The following ARHGAP26 variants were observed in gnomAD, a reference collection of about 807,000 sequenced individuals.
ARHGAP26 encodes the protein rho GTPase-activating protein 26.
In ARHGAP26, 38 loss-of-function variants were observed where a neutral mutation model predicts 104.8. The ratio of observed to expected loss-of-function variants is 0.36; its 90% CI spans 0.28 to 0.48. ARHGAP26 has a LOEUF of 0.48. Among genes scored for constraint, ARHGAP26 ranks in the 20% least tolerant of loss-of-function variants. The pLI is 0.99. For missense variants in ARHGAP26, 704 were observed against 947.9 expected (o/e 0.74, Z 3.38); for synonymous variants, 341 against 340.0 (o/e 1.00, Z -0.03).
At chr5:142,903,008 G>A (rs779623776) in intron 7 of ARHGAP26, among the ~76,000 whole-genome samples, 1 of 152,100 alleles carries the variant, frequency 6.6e-6, no homozygotes, top group Non-Finnish European at 1.5e-5. Flanking sequence ...CTTCAAAGTC[G>A]CCCTGAATAC....
At chr5:142,788,545 C>G (rs1009888929) in intron 1 of ARHGAP26, among the ~76,000 whole-genome samples, 2 of 152,138 alleles carry the variant, frequency 1.3e-5, no homozygotes, top group African/African-American at 4.8e-5. Flanking sequence ...AACCACAGAT[C>G]AAGAATATTG....
intron 20 of ARHGAP26, among the ~76,000 whole-genome samples, chr5:143,182,605 A>G (rs139067532): frequency 6.6e-6 from 1 of 152,370 alleles, no homozygotes; most frequent in African/African-American, 2.4e-5. Flanking sequence ...TGTCATTAAC[A>G]TGGAAGATGC....
intron 11 of ARHGAP26, among the ~76,000 whole-genome samples, chr5:142,963,188 A>ATACATATATG (rs1770643247): frequency 9.1e-6 from 1 of 109,782 alleles, no homozygotes; most frequent in African/African-American, 5.1e-5. Context: ...ATATATATAT[A>ATACATATATG]TATATATATA....
At chr5:143,120,957 C>T in intron 17 of ARHGAP26, 31 bp from the exon 18 acceptor site, 7 of 1,602,978 alleles carry the variant, frequency 4.4e-6, no homozygotes, top group Non-Finnish European at 6.0e-6. Flanking sequence ...CGATTTGTCT[C>T]ATTGGTACCT....
At chr5:142,949,180 A>AGAGAGAGAGAGAGAGAGAGAGAGAGAG (rs1767698612) in intron 11 of ARHGAP26, among the ~76,000 whole-genome samples, 6 of 7,526 alleles carry the variant, frequency 8.0e-4, no homozygotes, top group African/African-American at 3.6e-3. Flanking sequence ...AGAGAGAGAG[A>AGAGAGAGAGAGAGAGAGAGAGAGAGAG]GAGAGAGAGA....
intron 12 of ARHGAP26, among the ~76,000 whole-genome samples, chr5:143,024,695 G>A (rs987761418): frequency 1.3e-5 from 2 of 152,264 alleles, no homozygotes; most frequent in African/African-American, 4.8e-5. Flanking sequence ...AACCCTATGA[G>A]CTAGATACTA....
chr5:142,889,260 CT>C (rs1758140376), intron 5 of ARHGAP26, among the ~76,000 whole-genome samples: 1 of 152,118 alleles, frequency 6.6e-6, no homozygotes, highest in Admixed American at 6.6e-5. Flanking sequence ...GTTCTGAGCA[CT>C]GGAGGAGAAA....
chr5:143,094,301 C>A (rs1791953545), intron 17 of ARHGAP26, among the ~76,000 whole-genome samples: 1 of 152,234 alleles, frequency 6.6e-6, no homozygotes, highest in Admixed American at 6.5e-5. Context: ...AGAGTCGTTG[C>A]CACAGTATGT....
At chr5:143,200,078 T>C (rs1807463437) in intron 20 of ARHGAP26, among the ~76,000 whole-genome samples, 1 of 152,226 alleles carries the variant, frequency 6.6e-6, no homozygotes, top group African/African-American at 2.4e-5. Context: ...AGGAAGGGAA[T>C]TGTATTCATT....
chr5:143,134,733 A>T (rs375993828), intron 19 of ARHGAP26, among the ~76,000 whole-genome samples: 1 of 152,248 alleles, frequency 6.6e-6, no homozygotes, highest in Non-Finnish European at 1.5e-5. Context: ...ATGATCAGGT[A>T]CTGACCCCTA....
intron 16 of ARHGAP26, among the ~76,000 whole-genome samples, chr5:143,056,823 T>C (rs1384415151): frequency 6.6e-6 from 1 of 152,172 alleles, no homozygotes; most frequent in East Asian, 1.9e-4. Context: ...TGGTAGCTAC[T>C]ACTGGCCTAA....
intron 1 of ARHGAP26, among the ~76,000 whole-genome samples, chr5:142,825,627 A>G (rs1256480952): frequency 1.3e-5 from 2 of 152,178 alleles, no homozygotes; most frequent in Non-Finnish European, 2.9e-5. Flanking sequence ...TTTCTATTGT[A>G]ATTCCTTAGC....
intron 1 of ARHGAP26, among the ~76,000 whole-genome samples, chr5:142,839,721 G>A (rs1293074569): frequency 2.0e-5 from 3 of 152,108 alleles, no homozygotes; most frequent in Admixed American, 6.6e-5. Context: ...TGTTCGAAAG[G>A]GAAAGTTTTT....
At chr5:143,152,662 A>G (rs1799988301) in intron 20 of ARHGAP26, among the ~76,000 whole-genome samples, 1 of 152,202 alleles carries the variant, frequency 6.6e-6, no homozygotes, top group Admixed American at 6.5e-5. Context: ...ATTTTGGCCA[A>G]TAGAATGTGG....
rs574644044 is a variant in ARHGAP26 at position 142,984,934 on chromosome 5, C to T, written c.1108-29146C>T. On this transcript the variant is annotated intron_variant, in intron 11 of 22. Coordinates refer to ENST00000645722, the MANE Select transcript of ARHGAP26 (RefSeq NM_001135608.3). ...CCCTTCTACTTATTAAAAAAAAAAG[C>T]GGTCAGACAGCCTTAAACAAGACCT... 3.3e-5 allele frequency among the ~76,000 whole-genome samples: 5 copies of T among 149,900 alleles called. No homozygotes were observed. The East Asian group carries it at 6.0e-4, about 18-fold the overall frequency.
intron 1 of ARHGAP26, among the ~76,000 whole-genome samples, chr5:142,812,379 G>A (rs77955364): frequency 1.4e-5 from 2 of 143,436 alleles, no homozygotes; most frequent in African/African-American, 5.2e-5. Flanking sequence ...TTTTTTTTTT[G>A]ACAGAGGAGT....
At chr5:143,022,118 C>T (rs1780422225) in intron 12 of ARHGAP26, among the ~76,000 whole-genome samples, 2 of 152,084 alleles carry the variant, frequency 1.3e-5, no homozygotes, top group Admixed American at 1.3e-4. Context: ...GTCACCCAGG[C>T]TGGAGTGCAG....
At chr5:142,881,434 G>T (rs1328252017) in intron 4 of ARHGAP26, among the ~76,000 whole-genome samples, 1 of 152,186 alleles carries the variant, frequency 6.6e-6, no homozygotes, top group Non-Finnish European at 1.5e-5. Flanking sequence ...CGGCTGGGGG[G>T]TGGTATAGAT....
chr5:142,992,844 C>T (rs886857862), intron 11 of ARHGAP26, among the ~76,000 whole-genome samples: 11 of 152,188 alleles, frequency 7.2e-5, no homozygotes, highest in African/African-American at 2.4e-4. Flanking sequence ...TTCTGTGCCT[C>T]GCCTGATGCG....
Sources: gnomAD v4.1 joint callset for allele counts (sites outside exome capture counted in the v4.1 genomes callset) on GRCh38, gnomAD v4.1.1 for gene constraint, MANE v1.5 for transcripts, NCBI Gene and HGNC (gene_info 2026-07-23, HGNC 2026-07-21) for gene names.